The following ZFHX3 variants were observed in gnomAD, a reference collection of about 807,000 sequenced individuals.
ZFHX3 encodes the protein zinc finger homeobox protein 3.
ZFHX3 carries 42 observed loss-of-function variants against 279.1 expected under a neutral mutation model. The ratio of observed to expected loss-of-function variants is 0.15; its 90% CI spans 0.12 to 0.19. ZFHX3 has a LOEUF of 0.19. ZFHX3 is among the 10% of genes least tolerant of loss of function. The pLI, the probability that ZFHX3 is intolerant of heterozygous loss-of-function variation, is 1.00. For synonymous variants in ZFHX3, 2,293 were observed against 1,957.8 expected (o/e 1.17, Z -4.52); for missense variants, 4,981 against 4,754.0 (o/e 1.05, Z -1.40).
chr16:72,829,279 T>C (rs1210825733), intron 5 of ZFHX3, among the ~76,000 whole-genome samples: 1 of 151,900 alleles, frequency 6.6e-6, no homozygotes, highest in Admixed American at 6.6e-5. Flanking sequence ...TCCCAAAGTA[T>C]TGAGATTACA....
intron 3 of ZFHX3, among the ~76,000 whole-genome samples, chr16:73,325,150 C>A (rs1224815120): frequency 6.6e-6 from 1 of 152,108 alleles, no homozygotes. Context: ...GTAGTCCAGG[C>A]AAGAGGCAAT....
At chr16:73,047,401 C>T (rs1363306176) in intron 1 of ZFHX3, among the ~76,000 whole-genome samples, 1 of 152,176 alleles carries the variant, frequency 6.6e-6, no homozygotes, top group Non-Finnish European at 1.5e-5. Context: ...GCGACTTCTC[C>T]AGGGCTGAAA....
chr16:73,622,330 G>A (rs572263794), intron 2 of ZFHX3, among the ~76,000 whole-genome samples: 14 of 152,276 alleles, frequency 9.2e-5, no homozygotes, highest in Non-Finnish European at 1.8e-4. Context: ...AGGCTCAGGC[G>A]GGTGGATCAC....
rs771034495 is a variant in ZFHX3, at chr16:72,788,036, G to C, written c.10240C>G (p.Pro3414Ala). The change falls in exon 10 of 10, where the codon CCT (proline) becomes GCT (alanine). Residue 3414 changes from proline (P) to alanine (A), a missense_variant. By Grantham distance (27) the Pro-to-Ala change is conservative. This residue lies in a region of ZFHX3 where 1,034 missense variants were observed against 786.0 expected (regional missense o/e 1.32). Transcript: ENST00000268489. The stretch of plus-strand genomic sequence containing the variant: ...TCTGGTTTGGGGGATTCTTTGGCAG[G>C]GTCTTTGTCTGGGGAAGGAGCCCCG... ...PPGAPSPDKD[P>A]AKESPKPEEQ... 1 of 1,612,940 alleles carries C rather than the reference G, an allele frequency of 6.2e-7. No individual in the cohort carries two copies.
At chr16:73,338,569 A>G (rs2015962291) in intron 3 of ZFHX3, among the ~76,000 whole-genome samples, 1 of 152,154 alleles carries the variant, frequency 6.6e-6, no homozygotes, top group Admixed American at 6.5e-5. Flanking sequence ...GTATCCCGAA[A>G]TATGATCGAT....
chr16:73,103,178 G>A (rs375556952), intron 7 of ZFHX3, among the ~76,000 whole-genome samples: 2 of 152,244 alleles, frequency 1.3e-5, no homozygotes, highest in East Asian at 1.9e-4. Flanking sequence ...ACCCGCTTCC[G>A]CCTCCCAAAT....
intron 5 of ZFHX3, among the ~76,000 whole-genome samples, chr16:73,157,903 C>T (rs75424222): frequency 5.9e-5 from 9 of 151,900 alleles, no homozygotes; most frequent in African/African-American, 1.9e-4. Flanking sequence ...TAATAATTGG[C>T]ATTAGCATTT....
chr16:73,440,899 C>G (rs566282620), intron 3 of ZFHX3, among the ~76,000 whole-genome samples: 1 of 152,322 alleles, frequency 6.6e-6, no homozygotes, highest in Non-Finnish European at 1.5e-5. Context: ...GAAGTGCCAG[C>G]TTTTAGCAAA....
intron 4 of ZFHX3, among the ~76,000 whole-genome samples, chr16:72,853,114 A>T (rs950012337): frequency 2.0e-5 from 3 of 152,156 alleles, no homozygotes; most frequent in Non-Finnish European, 4.4e-5. Flanking sequence ...GACAAGGTTG[A>T]CCCTGGGTGG....
rs190767107 is a variant in ZFHX3 at position 73,225,817 on chromosome 16, G to A, written c.-1104+31230C>T. ...ACCTAACGTTGCATTGCTTGTCTGT[G>A]GGCTCCTTAAGCAACAGCCACTTCA... On this transcript the variant is annotated intron_variant, in intron 5 of 17. Transcript: ENST00000641206. Among the ~76,000 whole-genome samples, 517 of 152,102 alleles carry A rather than the reference G, an allele frequency of 3.4e-3. 6 individuals carry two copies. The highest frequency in any genetic ancestry group is 0.012 in the African/African-American group (482 of 41,486).
chr16:73,837,059 C>A (rs1350640562), intron 1 of ZFHX3, among the ~76,000 whole-genome samples: 2 of 152,182 alleles, frequency 1.3e-5, no homozygotes, highest in African/African-American at 2.4e-5. Flanking sequence ...AACTTATTTT[C>A]TTTAGAAATT....
At chr16:72,805,149 T>C (rs955740595) in intron 7 of ZFHX3, among the ~76,000 whole-genome samples, 12 of 151,950 alleles carry the variant, frequency 7.9e-5, no homozygotes, top group Non-Finnish European at 1.3e-4. Flanking sequence ...AGCTATTTTT[T>C]TTTTGTACTT....
At chr16:73,444,520 T>C (rs192030440) in intron 3 of ZFHX3, among the ~76,000 whole-genome samples, 4 of 152,354 alleles carry the variant, frequency 2.6e-5, no homozygotes, top group African/African-American at 9.6e-5. Context: ...ATGGGATGCA[T>C]TTGTAAGTCT....
intron 3 of ZFHX3, among the ~76,000 whole-genome samples, chr16:73,404,190 C>T (rs1265966214): frequency 6.6e-6 from 1 of 152,086 alleles, no homozygotes; most frequent in Non-Finnish European, 1.5e-5. Flanking sequence ...GCCAGCCCCT[C>T]CCACCCCCTC....
intron 8 of ZFHX3, chr16:73,083,295 A>G (rs1423240066): frequency 6.6e-6 from 1 of 152,252 alleles, no homozygotes; most frequent in African/African-American, 2.4e-5. Context: ...TTATGAGCTT[A>G]CTGCTAATGA....
intron 1 of ZFHX3, among the ~76,000 whole-genome samples, chr16:73,024,140 C>T (rs1001147544): frequency 4.6e-5 from 7 of 152,192 alleles, no homozygotes; most frequent in African/African-American, 1.7e-4. Context: ...GTAAAGTCCA[C>T]AGAGCCCCCT....
At chr16:73,334,578 GC>G (rs1355263699) in intron 3 of ZFHX3, among the ~76,000 whole-genome samples, 1 of 151,930 alleles carries the variant, frequency 6.6e-6, no homozygotes, top group Non-Finnish European at 1.5e-5. Flanking sequence ...CCATTGTTCT[GC>G]CCGCTCCCCA....
At chr16:73,640,287 C>T (rs1199713095) in intron 2 of ZFHX3, among the ~76,000 whole-genome samples, 1 of 152,136 alleles carries the variant, frequency 6.6e-6, no homozygotes, top group African/African-American at 2.4e-5. Flanking sequence ...CAAGTGAAAA[C>T]AGTCATTCCC....
intron 3 of ZFHX3, among the ~76,000 whole-genome samples, chr16:73,341,618 T>G (rs188527315): frequency 1.3e-5 from 2 of 152,274 alleles, no homozygotes; most frequent in East Asian, 3.9e-4. Context: ...ACAACATATA[T>G]GAATGCTTGG....
Sources: allele counts gnomAD v4.1 joint callset (sites outside exome capture counted in the v4.1 genomes callset), GRCh38; gene constraint gnomAD v4.1.1; regional missense constraint gnomAD v4.1.1; transcripts MANE v1.5; gene names NCBI Gene and HGNC (gene_info 2026-07-23, HGNC 2026-07-21).